The following ATL1 variants were observed in gnomAD, a reference collection of about 807,000 sequenced individuals.
ATL1 encodes atlastin GTPase 1.
ATL1 carries 31 observed loss-of-function variants against 75.5 expected under a neutral mutation model. The ratio of observed to expected loss-of-function variants is 0.41; its 90% CI spans 0.31 to 0.55. The LOEUF (loss-of-function observed/expected upper bound fraction) is 0.55, where lower values mean the gene tolerates loss of function less well. Ranked by LOEUF, ATL1 falls within the 20% of genes least tolerant of loss-of-function variation. The pLI is 0.27. For synonymous variants in ATL1, 226 were observed against 233.3 expected (o/e 0.97, Z 0.28); for missense variants, 405 against 662.6 (o/e 0.61, Z 4.27).
chr14:50,542,208 A>C (rs1462857857), intron 1 of ATL1, among the ~76,000 whole-genome samples: 1 of 145,650 alleles, frequency 6.9e-6, no homozygotes, highest in Non-Finnish European at 1.5e-5. Flanking sequence ...GCATGTTCTC[A>C]CTCATAAGTG....
At chr14:50,629,910 T>C (rs1230807287) in intron 12 of ATL1, 85 bp from the exon 13 acceptor site, 25 of 1,054,694 alleles carry the variant, frequency 2.4e-5, no homozygotes, top group Non-Finnish European at 3.5e-5. Context: ...CACAAATTAA[T>C]ATTGTAAGCA....
intron 1 of ATL1, among the ~76,000 whole-genome samples, chr14:50,584,847 C>T (rs1253453515): frequency 6.6e-6 from 1 of 151,768 alleles, no homozygotes; most frequent in Non-Finnish European, 1.5e-5. Context: ...TTAATAAAAT[C>T]TATTACATTA....
intron 6 of ATL1, among the ~76,000 whole-genome samples, chr14:50,603,088 G>A (rs1407971893): frequency 2.0e-5 from 3 of 152,108 alleles, no homozygotes; most frequent in African/African-American, 2.4e-5. Context: ...GTAGATTAAG[G>A]TTGGCCTGTA....
chr14:50,548,147 G>C (rs370023874), intron 1 of ATL1, among the ~76,000 whole-genome samples: 1 of 152,144 alleles, frequency 6.6e-6, no homozygotes, highest in African/African-American at 2.4e-5. Flanking sequence ...GGTCAACTAA[G>C]ACATGAAACA....
chr14:50,553,181 A>T (rs568040861), intron 1 of ATL1, among the ~76,000 whole-genome samples: 2 of 151,932 alleles, frequency 1.3e-5, no homozygotes, highest in East Asian at 3.9e-4. Flanking sequence ...CTGTAGTCAC[A>T]GCTACTCAGG....
At chr14:50,589,034 T>C (rs942644289) in intron 2 of ATL1, among the ~76,000 whole-genome samples, 2 of 152,094 alleles carry the variant, frequency 1.3e-5, no homozygotes, top group African/African-American at 2.4e-5. Flanking sequence ...AAACATACCA[T>C]AGATTTTGCA....
At chr14:50,540,217 G>A (rs2140144380) in intron 1 of ATL1, among the ~76,000 whole-genome samples, 1 of 152,270 alleles carries the variant, frequency 6.6e-6, no homozygotes, top group South Asian at 2.1e-4. Context: ...TGTTTTGATT[G>A]CAAGGATAGG....
upstream of ATL1, among the ~76,000 whole-genome samples, chr14:50,556,432 G>T (rs569034129): frequency 2.0e-4 from 30 of 151,844 alleles, no homozygotes; most frequent in South Asian, 2.5e-3. Flanking sequence ...TGTACAGGCT[G>T]GTCTCGAACT....
chr14:50,631,018 G>A, intron 13 of ATL1: 2 of 450,690 alleles, frequency 4.4e-6, no homozygotes, highest in Non-Finnish European at 8.9e-6. Flanking sequence ...CAGCACTTTG[G>A]GAGACTGAGG....
intron 1 of ATL1, among the ~76,000 whole-genome samples, chr14:50,543,000 A>G (rs1212963565): frequency 6.6e-6 from 1 of 152,194 alleles, no homozygotes; most frequent in East Asian, 1.9e-4. Context: ...AGTATTATGG[A>G]TGGATTCTTA....
intron 13 of ATL1, chr14:50,631,025 G>A (rs1172816764): frequency 4.5e-6 from 2 of 448,888 alleles, no homozygotes; most frequent in Non-Finnish European, 8.9e-6. Flanking sequence ...TTGGGAGACT[G>A]AGGTGGGCGG....
At chr14:50,607,351 A>G (rs887821763) in intron 6 of ATL1, among the ~76,000 whole-genome samples, 1 of 152,094 alleles carries the variant, frequency 6.6e-6, no homozygotes, top group African/African-American at 2.4e-5. Context: ...CATTGAGCAA[A>G]GCCAACTGAT....
chr14:50,539,487 T>G (rs968230038), intron 1 of ATL1, among the ~76,000 whole-genome samples: 2 of 152,190 alleles, frequency 1.3e-5, no homozygotes, highest in African/African-American at 4.8e-5. Context: ...GAGGACCAAG[T>G]CCAGGGCCTG....
rs1320668193 is a variant in ATL1, at chr14:50,632,260, C to T, written c.1598C>T (p.Thr533Ile). The T allele has an allele frequency of 6.2e-7, 1 of 1,612,820 alleles. No individual in the cohort carries two copies. The highest frequency in any genetic ancestry group is 1.3e-5 in the African/African-American group (1 of 74,680). ...ALYKLYSAAA[T>I]HRHLYHQAFP... ...TACAAGCTTTACAGTGCAGCAGCAACCCACAGACATCTGTATCATCAAGCT... is the reference window on the plus strand; with the variant it reads ...TACAAGCTTTACAGTGCAGCAGCAATCCACAGACATCTGTATCATCAAGCT... Residue 533 changes from threonine to isoleucine, a missense_variant, in exon 14 of 14, where the codon ACC becomes ATC. By Grantham distance (89) the Thr-to-Ile change is moderately conservative. This residue lies in a region of ATL1 where 163 missense variants were observed against 244.1 expected (regional missense o/e 0.67). Transcript: ENST00000358385.
intron 1 of ATL1, among the ~76,000 whole-genome samples, chr14:50,564,578 G>A (rs996147232): frequency 6.8e-6 from 1 of 146,324 alleles, no homozygotes. Context: ...GAACCCGGGA[G>A]GCGGAGGTTG....
chr14:50,556,508 G>A (rs1277536187), upstream of ATL1, among the ~76,000 whole-genome samples: 2 of 152,122 alleles, frequency 1.3e-5, no homozygotes, highest in African/African-American at 4.8e-5. Flanking sequence ...GTGAGCCACT[G>A]CACCCAGCCT....
intron 1 of ATL1, among the ~76,000 whole-genome samples, chr14:50,569,457 G>A: frequency 6.6e-6 from 1 of 150,542 alleles, no homozygotes; most frequent in Admixed American, 6.6e-5. Context: ...AAATTATATA[G>A]AAAACAAAAT....
At chr14:50,540,078 A>G (rs1406578763) in intron 1 of ATL1, among the ~76,000 whole-genome samples, 5 of 152,244 alleles carry the variant, frequency 3.3e-5, no homozygotes, top group African/African-American at 1.2e-4. Flanking sequence ...ATTAGAGATG[A>G]TGATTGGGAG....
chr14:50,571,621 T>C (rs1241137142), intron 1 of ATL1, among the ~76,000 whole-genome samples: 1 of 152,210 alleles, frequency 6.6e-6, no homozygotes, highest in Non-Finnish European at 1.5e-5. Context: ...TTAATACGTT[T>C]AATTAGATCA....
Sources: allele counts gnomAD v4.1 joint callset (sites outside exome capture counted in the v4.1 genomes callset), GRCh38; gene constraint gnomAD v4.1.1; regional missense constraint gnomAD v4.1.1; transcripts MANE v1.5; gene names NCBI Gene and HGNC (gene_info 2026-07-23, HGNC 2026-07-21).